Variants in PRKDC observed in about 807,000 individuals in gnomAD.
PRKDC encodes DNA-dependent protein kinase catalytic subunit.
Under a neutral mutation model 486.9 loss-of-function variants are expected in PRKDC, and 82 were observed. The observed-to-expected ratio is 0.17, with a 90% CI of 0.14 to 0.20. The LOEUF is 0.20. PRKDC is among the 10% of genes least tolerant of loss of function. PRKDC has a pLI of 1.00. For synonymous variants in PRKDC, 1,895 were observed against 1,837.0 expected (o/e 1.03, Z -0.81); for missense variants, 4,504 against 5,038.2 (o/e 0.89, Z 3.21).
At chr8:47,790,071 C>A (rs914287066) in intron 74 of PRKDC, among the ~76,000 whole-genome samples, 1 of 152,012 alleles carries the variant, frequency 6.6e-6, no homozygotes, top group Non-Finnish European at 1.5e-5. Flanking sequence ...AGCAAGCTGA[C>A]AAGAGAAAGA....
rs372560569 is a variant in PRKDC, at chr8:47,902,778, A to G, written c.3060T>C (p.Pro1020=). The change falls in exon 27 of 86, where the codon CCT becomes CCC. Residue 1020 remains proline (P), a synonymous_variant. Coordinates refer to ENST00000314191, the MANE Select transcript of PRKDC (RefSeq NM_006904.7). ...AAAAATCTCTTAAAGTACTGTCAAC[A>G]GGGTCCACAATTCCATCCTGAAACA... ...LEAILDGIVD[P]VDSTLRDFCG... is the part of the protein sequence containing the mutation. 3.1e-6 allele frequency: 5 copies of G among 1,609,896 alleles called. No individual in the cohort carries two copies. Among genetic ancestry groups the G allele is most frequent in the Non-Finnish European group, 4.2e-6 (5 of 1,178,544 alleles).
rs763862282 is a variant in PRKDC at position 47,776,929 on chromosome 8, C to T, written c.12097G>A (p.Val4033Ile). The T allele has an allele frequency of 3.7e-6, 6 of 1,613,554 alleles. No homozygotes were observed. The South Asian group carries it at 6.6e-5, about 18-fold the overall frequency. Residue 4033 changes from valine (V) to isoleucine (I), a missense_variant, in exon 85 of 86, where the codon GTT (valine) becomes ATT (isoleucine). Val to Ile is a conservative substitution (Grantham distance 29). Around this residue, in one of 6 missense-constraint regions of PRKDC, gnomAD observed 706 missense variants for 945.0 expected, o/e 0.75. Transcript: ENST00000314191. The stretch of plus-strand genomic sequence containing the variant: ...CGGGGGTACCAATTTTTTTCAGCAA[C>T]ATTTATTTCTTGAATCCATGACCCT... ...KGGSWIQEIN[V>I]AEKNWYPRQK...
chr8:47,925,328 C>G lies in PRKDC; in HGVS notation c.2419+1866G>C, dbSNP rs559731350. ...AAGTGTCCTGAAGAGAACCCAGCGT[C>G]TGTCAAAAAGGCACAGCCCAAAACT... On this transcript the variant is annotated intron_variant, in intron 21 of 85. Coordinates refer to ENST00000314191, the MANE Select transcript of PRKDC (RefSeq NM_006904.7). Among the ~76,000 whole-genome samples the G allele has an allele frequency of 7.9e-5, 12 of 152,340 alleles. No homozygotes were observed. The South Asian group carries it at 2.5e-3, about 32-fold the overall frequency.
chr8:47,814,285 A>G (rs958637606), intron 68 of PRKDC, among the ~76,000 whole-genome samples: 2 of 152,246 alleles, frequency 1.3e-5, no homozygotes, highest in Non-Finnish European at 2.9e-5. Flanking sequence ...TGAGTGAACT[A>G]TCTTCTCTAA....
At chr8:47,875,669 A>C (rs1259270758) in intron 40 of PRKDC, among the ~76,000 whole-genome samples, 3 of 152,220 alleles carry the variant, frequency 2.0e-5, no homozygotes, top group East Asian at 3.8e-4. Context: ...ATTTCACCCA[A>C]GGGCTATTTA....
At chr8:47,784,947 T>G (rs892224683) in intron 77 of PRKDC, among the ~76,000 whole-genome samples, 166 bp downstream of exon 77, 5 of 152,234 alleles carry the variant, frequency 3.3e-5, no homozygotes, top group Non-Finnish European at 7.3e-5. Flanking sequence ...TGCTCATTCA[T>G]AATTATGGAT....
chr8:47,810,266 G>GTGCA (rs2087299997), intron 68 of PRKDC, among the ~76,000 whole-genome samples: 1 of 152,180 alleles, frequency 6.6e-6, no homozygotes, highest in African/African-American at 2.4e-5. Flanking sequence ...TGGAGATATA[G>GTGCA]TGCAATAAGA....
chr8:47,907,329 C>T (rs1026241117), intron 25 of PRKDC, among the ~76,000 whole-genome samples: 31 of 147,798 alleles, frequency 2.1e-4, no homozygotes, highest in South Asian at 6.3e-4. Context: ...CGTGAGCCAC[C>T]GCGCCTGGCC....
intron 25 of PRKDC, among the ~76,000 whole-genome samples, chr8:47,907,537 T>C (rs893740090): frequency 4.9e-5 from 7 of 143,904 alleles, no homozygotes; most frequent in Non-Finnish European, 1.1e-4. Context: ...ATATACCTTT[T>C]TTTTTTTTTT....
chr8:47,920,027 A>G (rs2090048100), intron 21 of PRKDC, among the ~76,000 whole-genome samples: 1 of 152,204 alleles, frequency 6.6e-6, no homozygotes, highest in African/African-American at 2.4e-5. Context: ...CCTTAAGGAC[A>G]TGCTCCTGCT....
chr8:47,890,334 A>T lies in PRKDC; in HGVS notation c.3994T>A (p.Tyr1332Asn), dbSNP rs370559742. The T allele has an allele frequency of 4.4e-4, 718 of 1,613,518 alleles. 4 individuals are homozygous for T. Among genetic ancestry groups the T allele is most frequent in the Non-Finnish European group, 3.6e-5 (42 of 1,179,814 alleles). ...TSPQEGERYN[Y>N]SKCTVVVRIM... ...CGGACCACAACGGTGCATTTGCTGT[A>T]GTTGTACCTTTCTCCCTCTTGTGGG... is the stretch of plus-strand genomic sequence containing the variant. The change falls in exon 32 of 86, where the codon TAC becomes AAC. Residue 1332 changes from tyrosine to asparagine, a missense_variant. This residue lies in a region of PRKDC where 1,969 missense variants were observed against 2,068.9 expected (regional missense o/e 0.95). Coordinates refer to ENST00000314191, the MANE Select transcript of PRKDC (RefSeq NM_006904.7).
chr8:47,907,119 C>A (rs2089798428), intron 25 of PRKDC, among the ~76,000 whole-genome samples: 1 of 151,170 alleles, frequency 6.6e-6, no homozygotes, highest in South Asian at 2.1e-4. Context: ...CTGCTCACTG[C>A]AAGCTCCGCC....
intron 31 of PRKDC, among the ~76,000 whole-genome samples, chr8:47,892,855 CG>C (rs974811465): frequency 1.1e-4 from 17 of 151,988 alleles, no homozygotes; most frequent in African/African-American, 3.4e-4. Flanking sequence ...TCATGGAATA[CG>C]TTTTTTTTAA....
At chr8:47,843,636 G>A (rs1241206862) in intron 54 of PRKDC, among the ~76,000 whole-genome samples, 1 of 152,006 alleles carries the variant, frequency 6.6e-6, no homozygotes, top group African/African-American at 2.4e-5. Context: ...AATTTTAAAG[G>A]CAGCTAGAAA....
chr8:47,947,649 C>T (rs2090556624), intron 7 of PRKDC, among the ~76,000 whole-genome samples: 1 of 152,212 alleles, frequency 6.6e-6, no homozygotes, highest in Non-Finnish European at 1.5e-5. Flanking sequence ...TGGCTTATGC[C>T]TGTAATCCCG....
chr8:47,825,037 T>C (rs2087701883), intron 63 of PRKDC, among the ~76,000 whole-genome samples: 1 of 152,060 alleles, frequency 6.6e-6, no homozygotes, highest in Non-Finnish European at 1.5e-5. Flanking sequence ...GATTACAGAA[T>C]GTTAGGGGTA....
At chr8:47,866,635 A>T (rs1403009582) in intron 40 of PRKDC, among the ~76,000 whole-genome samples, 2 of 152,234 alleles carry the variant, frequency 1.3e-5, no homozygotes, top group African/African-American at 4.8e-5. Flanking sequence ...AAGGTAACAA[A>T]GGGAAACCCT....
chr8:47,831,681 G>T, intron 60 of PRKDC, 133 bp downstream of exon 60: 1 of 912,614 alleles, frequency 1.1e-6, no homozygotes, highest in Non-Finnish European at 1.8e-6. Flanking sequence ...CCAGGAGGCT[G>T]GTTTGGAGCA....
chr8:47,794,527 G>A, intron 73 of PRKDC, 26 bp from the exon 74 acceptor site: 7 of 1,524,054 alleles, frequency 4.6e-6, no homozygotes, highest in Non-Finnish European at 6.3e-6. Flanking sequence ...GAAACTTAAT[G>A]CTGAGTAAAA....
Sources: allele counts gnomAD v4.1 joint callset (sites outside exome capture counted in the v4.1 genomes callset), GRCh38; gene constraint gnomAD v4.1.1; regional missense constraint gnomAD v4.1.1; transcripts MANE v1.5; gene names NCBI Gene and HGNC (gene_info 2026-07-23, HGNC 2026-07-21).